IL1R2: variants seen among roughly 807,000 people sequenced by gnomAD.
IL1R2 encodes interleukin 1 receptor type 2, also known as interleukin-1 receptor type 2.
A neutral mutation model predicts 39.5 loss-of-function variants in IL1R2; 46 were observed. That is an observed-to-expected ratio of 1.16 (90% CI 0.92 to 1.49). The LOEUF (loss-of-function observed/expected upper bound fraction) is 1.49, where lower values mean the gene tolerates loss of function less well. Among genes scored for constraint, IL1R2 ranks in the 40% most tolerant of loss-of-function variants. The pLI, the probability that IL1R2 is intolerant of heterozygous loss-of-function variation, is 0.00. For synonymous variants in IL1R2, 207 were observed against 189.6 expected (o/e 1.09, Z -0.75); for missense variants, 537 against 502.0 (o/e 1.07, Z -0.67).
chr2:101,992,266 CAGAG>C (rs1440657555), intron 1 of IL1R2, among the ~76,000 whole-genome samples: 16 of 138,362 alleles, frequency 1.2e-4, no homozygotes, highest in African/African-American at 4.0e-4. Context: ...GGCAGAGAGA[CAGAG>C]AGAGACAGAG....
chr2:102,001,265 G>A (rs548990599), intron 1 of IL1R2, among the ~76,000 whole-genome samples: 2 of 152,344 alleles, frequency 1.3e-5, no homozygotes, highest in African/African-American at 4.8e-5. Flanking sequence ...TGGTTTTAGC[G>A]AGAAGGGATG....
At chr2:101,995,520 C>G (rs1372853195) in intron 1 of IL1R2, among the ~76,000 whole-genome samples, 4 of 152,174 alleles carry the variant, frequency 2.6e-5, no homozygotes, top group Non-Finnish European at 5.9e-5. Flanking sequence ...TGGTGGGACC[C>G]TGAGCAGAGA....
At chr2:102,027,840 T>A (rs1404763729) in intron 8 of IL1R2, among the ~76,000 whole-genome samples, 1 of 152,206 alleles carries the variant, frequency 6.6e-6, no homozygotes, top group African/African-American at 2.4e-5. Flanking sequence ...GCTACTTCCT[T>A]TGATCCTCAT....
intron 1 of IL1R2, among the ~76,000 whole-genome samples, chr2:102,004,821 A>T (rs1676163590): frequency 6.6e-6 from 1 of 152,238 alleles, no homozygotes; most frequent in African/African-American, 2.4e-5. Flanking sequence ...CTGCAGCCAC[A>T]TCCTAGAGAA....
Position 102,026,102 on chromosome 2 carries a change from T to TA in IL1R2, c.888-9_888-8insA, listed in dbSNP as rs761112510. 3 of 1,589,630 alleles carry TA rather than the reference T, an allele frequency of 1.9e-6. No homozygotes were observed. The South Asian group carries it at 3.4e-5, about 18-fold the overall frequency. On this transcript the variant is annotated splice_polypyrimidine_tract_variant and intron_variant, in intron 7 of 8. Transcript: ENST00000332549. ...CAATCATAATTAAGTGAATGTTTTTTTAACTCAGGGAATATTCAGAAAATA... is the reference window on the plus strand; with the variant it reads ...CAATCATAATTAAGTGAATGTTTTTTATAACTCAGGGAATATTCAGAAAATA...
chr2:102,016,252 C>A, intron 4 of IL1R2: 1 of 500,788 alleles, frequency 2.0e-6, no homozygotes, highest in Non-Finnish European at 3.6e-6. Flanking sequence ...AACAAATAAA[C>A]AAATAAAATA....
chr2:102,028,081 A>G, intron 8 of IL1R2, 145 bp from the exon 9 acceptor site: 1 of 642,820 alleles, frequency 1.6e-6, no homozygotes, highest in Non-Finnish European at 2.5e-6. Context: ...TGTTGGTGTG[A>G]GGGATGTGCT....
At chr2:101,997,724 C>A (rs1675661125) in intron 1 of IL1R2, among the ~76,000 whole-genome samples, 2 of 152,218 alleles carry the variant, frequency 1.3e-5, no homozygotes, top group African/African-American at 4.8e-5. Flanking sequence ...TATTTCCATT[C>A]TTCTTTAGTG....
chr2:102,004,266 C>A (rs1676123382), intron 1 of IL1R2, among the ~76,000 whole-genome samples: 3 of 152,104 alleles, frequency 2.0e-5, no homozygotes, highest in Admixed American at 6.6e-5. Flanking sequence ...TGACCAGAAG[C>A]TGCAGACACC....
intron 1 of IL1R2, among the ~76,000 whole-genome samples, chr2:102,003,038 A>T (rs1267691727): frequency 2.4e-5 from 2 of 82,850 alleles, no homozygotes; most frequent in Non-Finnish European, 5.9e-5. Context: ...GTCTGTGTCT[A>T]TGCCTATGTC....
At chr2:102,025,704 C>T (rs3218980) in intron 7 of IL1R2, among the ~76,000 whole-genome samples, 36,852 of 152,126 alleles carry the variant, frequency 0.24, 4,942 homozygotes, top group Admixed American at 0.28. Context: ...CCACTGAGGG[C>T]TGGAGTCCTG....
chr2:102,012,831 A>G (rs908301874), intron 3 of IL1R2, among the ~76,000 whole-genome samples: 1 of 152,236 alleles, frequency 6.6e-6, no homozygotes, highest in Non-Finnish European at 1.5e-5. Context: ...AAAACTTCAT[A>G]GCATAGTAAG....
At chr2:102,019,550 C>A in intron 4 of IL1R2, 88 bp from the exon 5 acceptor site, 4 of 949,166 alleles carry the variant, frequency 4.2e-6, no homozygotes, top group African/African-American at 1.7e-5. Context: ...ATTGCAAATC[C>A]CACATTGGTT....
intron 3 of IL1R2, among the ~76,000 whole-genome samples, chr2:102,012,537 C>T (rs773889945): frequency 4.7e-5 from 7 of 148,868 alleles, no homozygotes; most frequent in Non-Finnish European, 9.0e-5. Flanking sequence ...AGGGTGCCCT[C>T]TGTGTGTGTG....
At position 102,009,810 on chromosome 2, in the gene IL1R2, T is replaced by C; in HGVS notation, c.316T>C (p.Tyr106His). 1.2e-6 allele frequency: 2 copies of C among 1,614,180 alleles called. No individual in the cohort carries two copies. The highest frequency in any genetic ancestry group is 1.7e-6 in the Non-Finnish European group (2 of 1,180,002). The change falls in exon 3 of 9, where the codon TAC becomes CAC. Residue 106 changes from tyrosine (Y) to histidine (H), a missense_variant. Physicochemically the swap from Tyr to His is moderately conservative, Grantham distance 83. Transcript: ENST00000332549. The part of the protein sequence containing the change: ...LPALQEDSGT[Y>H]VCTTRNASYC... The stretch of plus-strand genomic sequence containing the variant: ...AGCCTTGCAGGAGGACTCTGGCACC[T>C]ACGTCTGCACTACTAGGTAAGTCTC...
chr2:101,996,767 T>C (rs1675611400), intron 1 of IL1R2, among the ~76,000 whole-genome samples: 1 of 151,656 alleles, frequency 6.6e-6, no homozygotes. Flanking sequence ...ATATGTATTA[T>C]ATACTCAGAC....
At chr2:102,024,259 C>T (rs1054070750) in intron 6 of IL1R2, among the ~76,000 whole-genome samples, 1 of 152,066 alleles carries the variant, frequency 6.6e-6, no homozygotes, top group Non-Finnish European at 1.5e-5. Flanking sequence ...TAGCATGTCC[C>T]GTGGGAGCGC....
intron 1 of IL1R2, among the ~76,000 whole-genome samples, chr2:102,003,058 G>A (rs1208052225): frequency 8.8e-6 from 1 of 113,728 alleles, no homozygotes; most frequent in Admixed American, 9.2e-5. Flanking sequence ...CTATATCTGT[G>A]TCTGTGTCTG....
chr2:102,009,751 T>A lies in IL1R2; in HGVS notation c.257T>A (p.Met86Lys). The A allele has an allele frequency of 6.2e-7, 1 of 1,614,160 alleles. No individual in the cohort carries two copies. Among genetic ancestry groups the A allele is most frequent in the Non-Finnish European group, 8.5e-7 (1 of 1,180,020 alleles). Residue 86 changes from methionine (M) to lysine (K), a missense_variant, in exon 3 of 9, where the codon ATG (methionine) becomes AAG (lysine). Coordinates refer to ENST00000332549, the MANE Select transcript of IL1R2 (RefSeq NM_004633.4). Reference protein sequence around the residue: ...RTVPGEEETRMWAQDGALWLL... With the variant: ...RTVPGEEETRKWAQDGALWLL... Reference sequence around the variant, plus strand: ...GTCCCAGGAGAAGAAGAGACACGGATGTGGGCCCAGGACGGTGCTCTGTGG... The same window carrying A: ...GTCCCAGGAGAAGAAGAGACACGGAAGTGGGCCCAGGACGGTGCTCTGTGG...
Sources: allele counts gnomAD v4.1 joint callset (sites outside exome capture counted in the v4.1 genomes callset), GRCh38; gene constraint gnomAD v4.1.1; transcripts MANE v1.5; gene names NCBI Gene and HGNC (gene_info 2026-07-23, HGNC 2026-07-21).